The following TNPO3 variants were observed in gnomAD, a reference collection of about 807,000 sequenced individuals.
The protein encoded by TNPO3 is transportin 3, also known as transportin-3.
Under a neutral mutation model 122.8 loss-of-function variants are expected in TNPO3, and 65 were observed. The observed-to-expected ratio is 0.53, with a 90% CI of 0.43 to 0.65. The LOEUF (loss-of-function observed/expected upper bound fraction) is 0.65. Among genes scored for constraint, TNPO3 ranks in the 30% least tolerant of loss-of-function variants. The pLI is 0.00. For missense variants in TNPO3, 850 were observed against 1,136.7 expected (o/e 0.75, Z 3.63); for synonymous variants, 372 against 411.2 (o/e 0.90, Z 1.15).
intron 1 of TNPO3, among the ~76,000 whole-genome samples, chr7:129,042,453 G>T (rs990135728): frequency 6.6e-6 from 1 of 152,140 alleles, no homozygotes; most frequent in South Asian, 2.1e-4. Flanking sequence ...GTGGTATAGA[G>T]CTAGAAAAGT....
At chr7:128,992,288 C>T (rs999648293) in intron 9 of TNPO3, among the ~76,000 whole-genome samples, 198 bp from the exon 10 acceptor site, 1 of 151,930 alleles carries the variant, frequency 6.6e-6, no homozygotes, top group East Asian at 1.9e-4. Flanking sequence ...TTGAAATAAA[C>T]CCATTTAGAC....
intron 1 of TNPO3, among the ~76,000 whole-genome samples, chr7:129,051,682 C>A (rs968291558): frequency 1.3e-5 from 2 of 151,784 alleles, no homozygotes; most frequent in African/African-American, 4.8e-5. Flanking sequence ...CGCGCTCTGT[C>A]GCCCAGGCTG....
intron 6 of TNPO3, 148 bp from the exon 7 acceptor site, chr7:129,000,715 C>G (rs543991640): frequency 1.2e-6 from 1 of 810,952 alleles, no homozygotes; most frequent in East Asian, 2.7e-5. Flanking sequence ...ATCCCCATGA[C>G]AGACACCTTT....
rs1801906733 is a variant in TNPO3, at chr7:129,001,165, T to C, written c.766A>G (p.Ile256Val). ...GGCAAGTTAGTCTCCACATTCTCAATGGCATAGAGAGCTGAGCATACACAG... is the reference window on the plus strand; with the variant it reads ...GGCAAGTTAGTCTCCACATTCTCAACGGCATAGAGAGCTGAGCATACACAG... ...SDCVCSALYA[I>V]ENVETNLPLA... The change falls in exon 6 of 23, where the codon ATT (isoleucine) becomes GTT (valine). Residue 256 changes from isoleucine to valine, a missense_variant. Coordinates refer to ENST00000265388, the MANE Select transcript of TNPO3 (RefSeq NM_012470.4). The C allele has an allele frequency of 6.2e-7, 1 of 1,614,094 alleles. No homozygotes were observed. Among genetic ancestry groups the C allele is most frequent in the Non-Finnish European group, 8.5e-7 (1 of 1,179,988 alleles).
At chr7:129,011,796 A>G (rs1803228943) in intron 4 of TNPO3, among the ~76,000 whole-genome samples, 1 of 152,172 alleles carries the variant, frequency 6.6e-6, no homozygotes, top group African/African-American at 2.4e-5. Context: ...GGGCTTAAAA[A>G]ATCTGTATAT....
At chr7:129,045,826 T>C (rs542626640) in intron 1 of TNPO3, among the ~76,000 whole-genome samples, 20 of 152,216 alleles carry the variant, frequency 1.3e-4, no homozygotes, top group Admixed American at 2.6e-4. Context: ...ATCACAAACA[T>C]AGACTCCAAT....
intron 9 of TNPO3, 138 bp downstream of exon 9, chr7:128,993,669 G>A (rs1464390996): frequency 2.9e-6 from 2 of 687,606 alleles, no homozygotes; most frequent in African/African-American, 1.8e-5. Flanking sequence ...GCCAGGCAGT[G>A]TGCTAGGCAC....
chr7:129,025,394 A>C (rs1280871671), intron 1 of TNPO3, among the ~76,000 whole-genome samples: 1 of 128,228 alleles, frequency 7.8e-6, no homozygotes, highest in Non-Finnish European at 1.6e-5. Context: ...AAAAAAAAAA[A>C]AAACCAGCTG....
intron 16 of TNPO3, among the ~76,000 whole-genome samples, chr7:128,978,660 T>C (rs1799320862): frequency 6.6e-6 from 1 of 152,152 alleles, no homozygotes; most frequent in Non-Finnish European, 1.5e-5. Flanking sequence ...AGGCTCCTAT[T>C]TCAAATTCTT....
At chr7:129,043,678 A>C (rs1807677736) in intron 1 of TNPO3, among the ~76,000 whole-genome samples, 1 of 152,192 alleles carries the variant, frequency 6.6e-6, no homozygotes, top group South Asian at 2.1e-4. Flanking sequence ...TTACCTATGA[A>C]TGTTGGTATT....
chr7:128,960,116 A>C (rs928159714), intron 21 of TNPO3, among the ~76,000 whole-genome samples: 1 of 152,216 alleles, frequency 6.6e-6, no homozygotes, highest in African/African-American at 2.4e-5. Context: ...CAGTGATCCT[A>C]TGAGTATAAT....
At chr7:129,051,904 A>G (rs1808822680) in intron 1 of TNPO3, among the ~76,000 whole-genome samples, 1 of 152,184 alleles carries the variant, frequency 6.6e-6, no homozygotes, top group African/African-American at 2.4e-5. Context: ...TCAGCCTCCC[A>G]AAGTGTTGGG....
At chr7:128,981,978 C>T (rs1431195795) in intron 14 of TNPO3, among the ~76,000 whole-genome samples, 3 of 152,176 alleles carry the variant, frequency 2.0e-5, no homozygotes, top group Non-Finnish European at 4.4e-5. Context: ...AATCTGTCTG[C>T]TTTGGCCTCC....
At chr7:128,997,850 T>A (rs1261259193) in intron 7 of TNPO3, among the ~76,000 whole-genome samples, 3 of 152,122 alleles carry the variant, frequency 2.0e-5, no homozygotes, top group African/African-American at 7.2e-5. Context: ...TTTTATTTAT[T>A]TTTTAGAGAC....
At chr7:129,019,064 C>T (rs1422538370) in intron 1 of TNPO3, among the ~76,000 whole-genome samples, 1 of 152,152 alleles carries the variant, frequency 6.6e-6, no homozygotes, top group Admixed American at 6.5e-5. Flanking sequence ...AAGTGCTACA[C>T]ATGTTACTGA....
rs750422002 is a variant in TNPO3, at chr7:129,017,068, A to G, written c.322-12T>C. 8.7e-6 allele frequency: 14 copies of G among 1,608,124 alleles called. No individual in the cohort carries two copies. The Admixed American group carries it at 2.3e-4, about 27-fold the overall frequency. ...ATTGCTAAAGCCAGCTGAATAAGAG[A>G]GATTAAATAAATGAAGACAGATGAA... On this transcript the variant is annotated splice_polypyrimidine_tract_variant and intron_variant, in intron 2 of 22. Coordinates refer to ENST00000265388, the MANE Select transcript of TNPO3 (RefSeq NM_012470.4).
In TNPO3 at chr7:128,979,951, A is replaced by G. The variant is rs1205813960; in HGVS notation, c.1920+20T>C. ...AAAAAGAAGCAAGCCTTGATTCCAC[A>G]AGCATCCATTAGCACTTACTTCCTG... is the stretch of plus-strand genomic sequence containing the variant. On this transcript the variant is annotated intron_variant, in intron 15 of 22. Coordinates refer to ENST00000265388, the MANE Select transcript of TNPO3 (RefSeq NM_012470.4). 1 of 1,612,118 alleles carries G rather than the reference A, an allele frequency of 6.2e-7. No individual in the cohort carries two copies. The highest frequency in any genetic ancestry group is 1.1e-5 in the South Asian group (1 of 91,028).
intron 1 of TNPO3, among the ~76,000 whole-genome samples, chr7:129,027,581 A>C (rs1186582051): frequency 3.6e-5 from 5 of 138,620 alleles, no homozygotes; most frequent in South Asian, 2.4e-4. Flanking sequence ...AAAAAAAAAA[A>C]AAAAAAAAAA....
At chr7:129,045,306 G>C (rs1160256049) in intron 1 of TNPO3, among the ~76,000 whole-genome samples, 1 of 152,140 alleles carries the variant, frequency 6.6e-6, no homozygotes, top group African/African-American at 2.4e-5. Context: ...CAATGTCAAT[G>C]TATGTAATAC....
Sources: gnomAD v4.1 joint callset for allele counts (sites outside exome capture counted in the v4.1 genomes callset) on GRCh38, gnomAD v4.1.1 for gene constraint, MANE v1.5 for transcripts, NCBI Gene and HGNC (gene_info 2026-07-23, HGNC 2026-07-21) for gene names.